The following KLF12 variants were observed in gnomAD, a reference collection of about 807,000 sequenced individuals.
KLF12 encodes Krueppel-like factor 12.
KLF12 carries 9 observed loss-of-function variants against 37.8 expected under a neutral mutation model. The observed-to-expected ratio is 0.24, with a 90% CI of 0.14 to 0.42. The LOEUF (loss-of-function observed/expected upper bound fraction) is 0.42, where lower values mean the gene tolerates loss of function less well. Ranked by LOEUF, KLF12 falls within the 10% of genes least tolerant of loss-of-function variation. The pLI is 1.00. For missense variants in KLF12, 411 were observed against 516.0 expected, an observed-to-expected ratio of 0.80 and a Z score of 1.97; for synonymous variants, 208 against 202.1, an observed-to-expected ratio of 1.03 and a Z score of -0.25.
intron 1 of KLF12, among the ~76,000 whole-genome samples, chr13:74,069,246 T>C (rs1477446967): frequency 6.6e-6 from 1 of 152,092 alleles, no homozygotes; most frequent in African/African-American, 2.4e-5. Context: ...GCTCTATATA[T>C]GGAGGGCTGA....
the KLF12 span, among the ~76,000 whole-genome samples, chr13:74,260,553 CTAAAATAAAATAAAATAAAATAAA>C: frequency 9.8e-3 from 998 of 101,702 alleles, 36 homozygotes; most frequent in African/African-American, 0.043. Flanking sequence ...AACACTGTTT[CTAAAATAAAATAAAATAAAATAAA>C]TAAAATAAAA....
chr13:73,775,971 G>C (rs573204191), intron 5 of KLF12, among the ~76,000 whole-genome samples: 2 of 152,180 alleles, frequency 1.3e-5, no homozygotes, highest in African/African-American at 4.8e-5. Context: ...TACGTCGTTT[G>C]GTTCACAGGC....
intron 1 of KLF12, among the ~76,000 whole-genome samples, chr13:74,096,781 G>A (rs1044925817): frequency 6.6e-6 from 1 of 152,102 alleles, no homozygotes; most frequent in Non-Finnish European, 1.5e-5. Context: ...TACATAGAAT[G>A]CCAATTTCTC....
intron 4 of KLF12, among the ~76,000 whole-genome samples, chr13:73,839,100 T>A (rs1302213235): frequency 9.2e-5 from 14 of 151,896 alleles, no homozygotes; most frequent in South Asian, 2.1e-4. Flanking sequence ...TAACTTTTTT[T>A]TTTTTTTTTT....
the KLF12 span, among the ~76,000 whole-genome samples, chr13:74,156,933 A>G: frequency 6.6e-6 from 1 of 152,184 alleles, no homozygotes; most frequent in Non-Finnish European, 1.5e-5. Context: ...TGCAACGAAC[A>G]TAGGAGTGCA....
At chr13:73,815,755 AT>A (rs1447645237) in intron 4 of KLF12, among the ~76,000 whole-genome samples, 1 of 152,204 alleles carries the variant, frequency 6.6e-6, no homozygotes, top group Non-Finnish European at 1.5e-5. Context: ...TGATAGTACC[AT>A]TTTGTCCAAG....
intron 1 of KLF12, among the ~76,000 whole-genome samples, chr13:74,058,474 G>A (rs991359691): frequency 1.4e-5 from 2 of 147,716 alleles, no homozygotes; most frequent in East Asian, 4.1e-4. Context: ...TCCTGCCTCA[G>A]CCTCCCGAGT....
chr13:73,862,567 A>C (rs912821583), intron 3 of KLF12, among the ~76,000 whole-genome samples: 9 of 152,156 alleles, frequency 5.9e-5, no homozygotes, highest in African/African-American at 2.2e-4. Flanking sequence ...TCTATAAAAC[A>C]TTTGTCTCTT....
At chr13:74,188,049 T>C in the KLF12 span, among the ~76,000 whole-genome samples, 1 of 152,180 alleles carries the variant, frequency 6.6e-6, no homozygotes, top group African/African-American at 2.4e-5. Flanking sequence ...ATGTAGAACA[T>C]GCTTATTATA....
intron 1 of KLF12, among the ~76,000 whole-genome samples, chr13:74,131,413 T>C (rs1198594737): frequency 6.6e-6 from 1 of 152,110 alleles, no homozygotes. Context: ...TTGCAGACCT[T>C]CCCTTTCAGC....
chr13:73,859,074 C>T (rs1885766672), intron 3 of KLF12, among the ~76,000 whole-genome samples: 1 of 152,152 alleles, frequency 6.6e-6, no homozygotes, highest in South Asian at 2.1e-4. Context: ...AAACTGGGTT[C>T]ACTTCGCTGG....
intron 6 of KLF12, among the ~76,000 whole-genome samples, chr13:73,755,479 G>A (rs1879092051): frequency 6.6e-6 from 1 of 152,174 alleles, no homozygotes; most frequent in Non-Finnish European, 1.5e-5. Context: ...AGGCTCGAGA[G>A]ACCTGAAGGA....
At chr13:74,296,138 A>G in the KLF12 span, among the ~76,000 whole-genome samples, 1 of 138,818 alleles carries the variant, frequency 7.2e-6, no homozygotes, top group African/African-American at 2.7e-5. Context: ...TTTTTGTAGC[A>G]CTTTTTTTTT....
At chr13:74,180,011 A>T in the KLF12 span, among the ~76,000 whole-genome samples, 3 of 152,220 alleles carry the variant, frequency 2.0e-5, no homozygotes, top group African/African-American at 7.2e-5. Flanking sequence ...TTTGTAACAA[A>T]TCTGGGAGAT....
intron 6 of KLF12, among the ~76,000 whole-genome samples, chr13:73,721,085 G>A (rs750968291): frequency 1.3e-5 from 2 of 152,152 alleles, no homozygotes; most frequent in Admixed American, 6.5e-5. Flanking sequence ...GTCAGGCACC[G>A]ACCTAAATGC....
At chr13:73,914,357 G>C (rs1327413467) in intron 3 of KLF12, among the ~76,000 whole-genome samples, 2 of 152,168 alleles carry the variant, frequency 1.3e-5, no homozygotes, top group Non-Finnish European at 2.9e-5. Context: ...TCATCAGCAG[G>C]GGGTGGTTGT....
the KLF12 span, among the ~76,000 whole-genome samples, chr13:74,293,075 C>T: frequency 6.6e-6 from 1 of 152,202 alleles, no homozygotes; most frequent in South Asian, 2.1e-4. Context: ...CTGCCTCATA[C>T]CAAAGCTGAG....
chr13:73,913,853 C>A (rs2139169198), intron 3 of KLF12, among the ~76,000 whole-genome samples: 1 of 152,228 alleles, frequency 6.6e-6, no homozygotes, highest in African/African-American at 2.4e-5. Flanking sequence ...GGCCAAATTT[C>A]TAAACATGGT....
chr13:73,954,571 TACTA>T (rs990862964), intron 2 of KLF12, among the ~76,000 whole-genome samples: 14 of 152,104 alleles, frequency 9.2e-5, no homozygotes, highest in Admixed American at 4.6e-4. Flanking sequence ...ATTATTTCAA[TACTA>T]ACTAAGTTGT....
Sources: allele counts gnomAD v4.1 joint callset (sites outside exome capture counted in the v4.1 genomes callset), GRCh38; gene constraint gnomAD v4.1.1; transcripts MANE v1.5; gene names NCBI Gene and HGNC (gene_info 2026-07-23, HGNC 2026-07-21).